HSPA12A: variants seen among roughly 807,000 people sequenced by gnomAD.
HSPA12A encodes the protein heat shock protein family A (Hsp70) member 12A, also known as heat shock 70 kDa protein 12A.
Under a neutral mutation model 69.2 loss-of-function variants are expected in HSPA12A, and 28 were observed. The ratio of observed to expected loss-of-function variants is 0.40; its 90% CI spans 0.30 to 0.55. The LOEUF is 0.55. Among genes scored for constraint, HSPA12A ranks in the 20% least tolerant of loss-of-function variants. HSPA12A has a pLI of 0.38. For synonymous variants in HSPA12A, 345 were observed against 370.5 expected, an observed-to-expected ratio of 0.93 and a Z score of 0.79; for missense variants, 686 against 900.7, an observed-to-expected ratio of 0.76 and a Z score of 3.05.
At chr10:116,809,789 G>T (rs1845138844) in intron 2 of HSPA12A, among the ~76,000 whole-genome samples, 1 of 152,194 alleles carries the variant, frequency 6.6e-6, no homozygotes, top group South Asian at 2.1e-4. Flanking sequence ...CTAAAAAGAG[G>T]ATTCAAAAAG....
intron 2 of HSPA12A, among the ~76,000 whole-genome samples, chr10:116,706,936 C>T (rs1044911210): frequency 2.6e-5 from 4 of 152,204 alleles, no homozygotes; most frequent in Admixed American, 6.5e-5. Flanking sequence ...CTGTGACCCA[C>T]CCAGGCCCCT....
intron 2 of HSPA12A, among the ~76,000 whole-genome samples, chr10:116,795,946 A>T (rs958917289): frequency 7.3e-5 from 11 of 151,176 alleles, no homozygotes; most frequent in African/African-American, 2.7e-4. Context: ...GGAGATCGAG[A>T]TCATCCGGGC....
At chr10:116,683,664 ACCT>A in intron 7 of HSPA12A, 124 bp downstream of exon 7, 1 of 979,748 alleles carries the variant, frequency 1.0e-6, no homozygotes, top group Non-Finnish European at 1.4e-6. Flanking sequence ...CTTAAAGCCC[ACCT>A]CCTCCCGGAG....
upstream of HSPA12A, among the ~76,000 whole-genome samples, chr10:116,745,780 C>A (rs1235283075): frequency 1.3e-5 from 2 of 152,140 alleles, no homozygotes; most frequent in Non-Finnish European, 2.9e-5. Flanking sequence ...TCACATGAGG[C>A]CCCTCCTCTC....
chr10:116,805,803 A>G (rs74161323), intron 2 of HSPA12A, among the ~76,000 whole-genome samples: 1,868 of 152,302 alleles, frequency 0.012, 24 homozygotes, highest in African/African-American at 0.03. Flanking sequence ...AGGCTTCTGT[A>G]ATCAAATCAA....
chr10:116,680,294 A>G (rs1457576283), intron 9 of HSPA12A, among the ~76,000 whole-genome samples: 3 of 152,102 alleles, frequency 2.0e-5, no homozygotes, highest in African/African-American at 7.2e-5. Flanking sequence ...CCAGCCAACA[A>G]TCTATTTTAA....
intron 2 of HSPA12A, among the ~76,000 whole-genome samples, chr10:116,762,361 C>CT (rs1166738358): frequency 2.0e-5 from 3 of 152,140 alleles, no homozygotes; most frequent in Non-Finnish European, 4.4e-5. Flanking sequence ...GTATGTTTTT[C>CT]TTTTTTTGTA....
chr10:116,786,597 G>T (rs1589705624), intron 2 of HSPA12A, among the ~76,000 whole-genome samples: 2 of 152,226 alleles, frequency 1.3e-5, no homozygotes, highest in Middle Eastern at 6.8e-3. Flanking sequence ...CTGTCTCAGT[G>T]GCGTTCATCT....
chr10:116,836,737 A>C (rs1272194173), intron 1 of HSPA12A, among the ~76,000 whole-genome samples: 1 of 151,306 alleles, frequency 6.6e-6, no homozygotes, highest in African/African-American at 2.4e-5. Context: ...ATATGGTATG[A>C]TTTTAGTGTA....
At position 116,826,961 on chromosome 10, in the gene HSPA12A, G is replaced by A. The variant is rs558216257; in HGVS notation, c.91+7974C>T. ...GGAAACTGGGTATTAGAGGAATCACGTCATTTGCTCGAGGTCATAGACTAG... is the reference window on the plus strand; with the variant it reads ...GGAAACTGGGTATTAGAGGAATCACATCATTTGCTCGAGGTCATAGACTAG... On this transcript the variant is annotated intron_variant, in intron 2 of 12. Transcript: ENST00000635765. Among the ~76,000 whole-genome samples the A allele has an allele frequency of 3.3e-5, 5 of 152,240 alleles. No homozygotes were observed. In the South Asian group the frequency reaches 6.2e-4, roughly 19 times the overall value.
chr10:116,832,129 G>A (rs1455085455), intron 2 of HSPA12A: 1 of 152,138 alleles, frequency 6.6e-6, no homozygotes, highest in Admixed American at 6.5e-5. Flanking sequence ...CAAGGGGACG[G>A]AAAACAGGAT....
chr10:116,838,096 G>C (rs1845747725), intron 1 of HSPA12A, among the ~76,000 whole-genome samples: 2 of 152,188 alleles, frequency 1.3e-5, no homozygotes, highest in South Asian at 4.1e-4. Flanking sequence ...GAAATAGATA[G>C]TAAGCGGTAA....
intron 2 of HSPA12A, among the ~76,000 whole-genome samples, chr10:116,756,341 T>C (rs1554888776): frequency 6.6e-6 from 1 of 152,262 alleles, no homozygotes; most frequent in African/African-American, 2.4e-5. Flanking sequence ...CAAAACAAAC[T>C]GGCTGGTGTG....
intron 1 of HSPA12A, among the ~76,000 whole-genome samples, chr10:116,738,658 C>T (rs1396524171): frequency 6.6e-6 from 1 of 152,168 alleles, no homozygotes; most frequent in Non-Finnish European, 1.5e-5. Flanking sequence ...TTGGAATTAT[C>T]AACCATTAAG....
intron 1 of HSPA12A, among the ~76,000 whole-genome samples, chr10:116,738,480 C>T (rs958394225): frequency 2.6e-5 from 4 of 152,150 alleles, no homozygotes; most frequent in Non-Finnish European, 5.9e-5. Context: ...ACTCATATCC[C>T]AACTCCAGCA....
At chr10:116,812,730 C>T (rs1845216780) in intron 2 of HSPA12A, among the ~76,000 whole-genome samples, 2 of 152,220 alleles carry the variant, frequency 1.3e-5, no homozygotes, top group Admixed American at 6.5e-5. Context: ...CTCTTTCCTT[C>T]AGGGAATCTG....
intron 2 of HSPA12A, among the ~76,000 whole-genome samples, chr10:116,765,030 T>C (rs1844047928): frequency 6.6e-6 from 1 of 152,202 alleles, no homozygotes; most frequent in South Asian, 2.1e-4. Context: ...AGATGTGATG[T>C]GGGGACCAGT....
At chr10:116,684,223 C>T (rs959986423) in intron 6 of HSPA12A, among the ~76,000 whole-genome samples, 1 of 152,106 alleles carries the variant, frequency 6.6e-6, no homozygotes, top group Non-Finnish European at 1.5e-5. Context: ...GGCTGTGGGG[C>T]CTCTTGCACT....
At chr10:116,698,514 A>G in intron 5 of HSPA12A, 121 bp downstream of exon 5, 1 of 686,716 alleles carries the variant, frequency 1.5e-6, no homozygotes, top group Non-Finnish European at 2.6e-6. Flanking sequence ...TCCAAAGCCC[A>G]CACTCTCCCT....
Sources: allele counts gnomAD v4.1 joint callset (sites outside exome capture counted in the v4.1 genomes callset), GRCh38; gene constraint gnomAD v4.1.1; transcripts MANE v1.5; gene names NCBI Gene and HGNC (gene_info 2026-07-23, HGNC 2026-07-21).